APPL1: variants seen among roughly 807,000 people sequenced by gnomAD.
APPL1 encodes adaptor protein, phosphotyrosine interacting with PH domain and leucine zipper 1.
In APPL1, 42 loss-of-function variants were observed where a neutral mutation model predicts 106.8. The ratio of observed to expected loss-of-function variants is 0.39; its 90% confidence interval spans 0.31 to 0.51. APPL1 has a LOEUF of 0.51. Ranked by LOEUF, APPL1 falls within the 20% of genes least tolerant of loss-of-function variation. The pLI, the probability that APPL1 is intolerant of heterozygous loss-of-function variation, is 0.75. For synonymous variants in APPL1, 263 were observed against 281.8 expected (o/e 0.93, Z 0.67); for missense variants, 769 against 858.2 (o/e 0.90, Z 1.30).
chr3:57,249,813 A>C (rs1029259272), intron 11 of APPL1, among the ~76,000 whole-genome samples: 4 of 152,214 alleles, frequency 2.6e-5, no homozygotes, highest in African/African-American at 9.6e-5. Context: ...AAAATCCTGC[A>C]TAGTATCAGG....
In APPL1 at chr3:57,242,133, G is replaced by A. The variant is rs753600660; in HGVS notation, c.406G>A (p.Ala136Thr). The A allele has an allele frequency of 2.5e-6, 4 of 1,592,536 alleles. No individual in the cohort carries two copies. The Admixed American group carries it at 5.1e-5, about 21-fold the overall frequency. ...ILTLKEVFQI[A>T]SNDHDAAINR... ...AACATTAAAGGAAGTATTTCAGATT[G>A]CAAGTAATGGTAAGCCCTATAATTT... Residue 136 changes from alanine to threonine, a missense_variant, in exon 6 of 22, where the codon GCA becomes ACA. Transcript: ENST00000288266.
chr3:57,239,503 A>G (rs2060734342), intron 4 of APPL1, among the ~76,000 whole-genome samples: 1 of 152,194 alleles, frequency 6.6e-6, no homozygotes, highest in African/African-American at 2.4e-5. Context: ...TGTTATGGAT[A>G]TACCAAGTTT....
chr3:57,240,405 A>G (rs2060739357), intron 4 of APPL1, 60 bp from the exon 5 acceptor site: 3 of 1,301,288 alleles, frequency 2.3e-6, no homozygotes, highest in South Asian at 1.2e-5. Context: ...TTTAATTTAC[A>G]TAACACTGGT....
intron 14 of APPL1, 95 bp downstream of exon 14, chr3:57,257,146 C>A: frequency 1.9e-6 from 3 of 1,554,978 alleles, no homozygotes; most frequent in South Asian, 1.1e-5. Flanking sequence ...TAAGACTTCT[C>A]ATTGACTTAT....
intron 4 of APPL1, among the ~76,000 whole-genome samples, chr3:57,238,784 T>A (rs2060730264): frequency 6.6e-6 from 1 of 152,214 alleles, no homozygotes; most frequent in Admixed American, 6.5e-5. Context: ...TTAAAAAAAT[T>A]GTGGTAAAGT....
At chr3:57,252,404 G>T in intron 12 of APPL1, 93 bp downstream of exon 12, 2 of 894,632 alleles carry the variant, frequency 2.2e-6, no homozygotes, top group South Asian at 1.9e-5. Context: ...TAGAAATTTT[G>T]GAAAATCCTA....
At chr3:57,249,250 G>A in intron 10 of APPL1, 110 bp from the exon 11 acceptor site, 1 of 999,886 alleles carries the variant, frequency 1.0e-6, no homozygotes, top group Non-Finnish European at 1.5e-6. Context: ...TTGGCATCTT[G>A]GTGCCTCTTC....
At chr3:57,262,777 G>C (rs1158961669) in intron 19 of APPL1, among the ~76,000 whole-genome samples, 3 of 151,342 alleles carry the variant, frequency 2.0e-5, no homozygotes, top group African/African-American at 7.3e-5. Flanking sequence ...GTGAAAGTAG[G>C]ATGATCTTTG....
intron 4 of APPL1, among the ~76,000 whole-genome samples, chr3:57,238,397 G>C (rs979741052): frequency 6.6e-6 from 1 of 152,192 alleles, no homozygotes; most frequent in Non-Finnish European, 1.5e-5. Flanking sequence ...GAAGAGTTAG[G>C]TAGTGAACTG....
Position 57,240,506 on chromosome 3 carries a change from TGC to T in APPL1, c.328_329del (p.Ala110HisfsTer9), listed in dbSNP as rs1291270130. The T allele has an allele frequency of 1.2e-6, 2 of 1,613,984 alleles. No homozygotes were observed. Among genetic ancestry groups the T allele is most frequent in the Non-Finnish European group, 1.7e-6 (2 of 1,179,880 alleles). On this transcript the variant is annotated frameshift_variant, in exon 5 of 22. Coordinates refer to ENST00000288266, the MANE Select transcript of APPL1 (RefSeq NM_012096.3). LOFTEE classifies it high-confidence loss of function. ...HAVLSTQLAD[A>X]MMFPITQFKE... is the part of the protein sequence containing the mutation. ...CAGTGCTTTCAACTCAACTTGCTGA[TGC>T]CATGATGTTCCCCATTACCCAGTTT...
chr3:57,257,465 C>T (rs1028095030), intron 15 of APPL1, 37 bp downstream of exon 15: 1 of 1,521,238 alleles, frequency 6.6e-7, no homozygotes, highest in Non-Finnish European at 8.9e-7. Context: ...GTGCTGTGGT[C>T]TGTAAGGCTT....
intron 4 of APPL1, among the ~76,000 whole-genome samples, chr3:57,239,974 G>A (rs887849037): frequency 2.6e-5 from 4 of 152,016 alleles, no homozygotes; most frequent in African/African-American, 9.7e-5. Flanking sequence ...ACCTTTTCAT[G>A]TGCTTATTGG....
chr3:57,237,648 A>G (rs112526884), intron 3 of APPL1, 97 bp downstream of exon 3: 1 of 820,786 alleles, frequency 1.2e-6, no homozygotes, highest in Middle Eastern at 2.6e-4. Context: ...TTGAATTCAC[A>G]GAATATGCCA....
chr3:57,268,141 T>C (rs1232859692), intron 20 of APPL1: 2 of 473,120 alleles, frequency 4.2e-6, no homozygotes, highest in East Asian at 7.1e-5. Context: ...GAATGTTAAC[T>C]AAAATAGTAT....
intron 13 of APPL1, among the ~76,000 whole-genome samples, chr3:57,255,101 T>C (rs1212838577): frequency 1.3e-5 from 2 of 152,200 alleles, no homozygotes; most frequent in South Asian, 2.1e-4. Context: ...CCCTGAAGTG[T>C]AGACACAGCC....
At chr3:57,254,143 G>T (rs1308355393) in intron 13 of APPL1, among the ~76,000 whole-genome samples, 4 of 152,170 alleles carry the variant, frequency 2.6e-5, no homozygotes, top group Non-Finnish European at 4.4e-5. Context: ...GATTACAGGC[G>T]TGAGCCACTG....
rs575737653 is a variant in APPL1, at chr3:57,273,028, A to G, written c.*3341A>G. 1 of 152,770 alleles carries G rather than the reference A, an allele frequency of 6.5e-6. No homozygotes were observed. The highest frequency in any genetic ancestry group is 1.9e-4 in the East Asian group (1 of 5,188). 9.5% of individuals were successfully genotyped at this position (152,770 alleles called of 1,614,324 possible). On this transcript the variant is annotated 3_prime_UTR_variant, in exon 22 of 22. Coordinates refer to ENST00000288266, the MANE Select transcript of APPL1 (RefSeq NM_012096.3). ...AGCAAGTTTGGTTTACTCTTCTCCCATGAGATTTTGTCTTTCTACATTAAC... is the reference window on the plus strand; with the variant it reads ...AGCAAGTTTGGTTTACTCTTCTCCCGTGAGATTTTGTCTTTCTACATTAAC...
intron 1 of APPL1, among the ~76,000 whole-genome samples, chr3:57,235,129 C>T (rs1217434988): frequency 1.3e-5 from 2 of 152,068 alleles, no homozygotes; most frequent in African/African-American, 4.8e-5. Flanking sequence ...GGAGGGTGTA[C>T]TGTGGTATTT....
intron 1 of APPL1, among the ~76,000 whole-genome samples, chr3:57,234,573 C>T (rs1178796340): frequency 6.6e-6 from 1 of 151,974 alleles, no homozygotes; most frequent in Non-Finnish European, 1.5e-5. Flanking sequence ...GCTGGGATTA[C>T]AGGCGTGAGC....
Sources: gnomAD v4.1 joint callset for allele counts (sites outside exome capture counted in the v4.1 genomes callset) on GRCh38, gnomAD v4.1.1 for gene constraint, MANE v1.5 for transcripts, NCBI Gene and HGNC (gene_info 2026-07-23, HGNC 2026-07-21) for gene names.